The following INPP5A variants were observed in gnomAD, a reference collection of about 807,000 sequenced individuals.
The protein encoded by INPP5A is 43 kDa inositol polyphosphate 5-phophatase.
A neutral mutation model predicts 65.2 loss-of-function variants in INPP5A; 14 were observed. The ratio of observed to expected loss-of-function variants is 0.21; its 90% confidence interval spans 0.14 to 0.34. The LOEUF (loss-of-function observed/expected upper bound fraction) is 0.34. Among genes scored for constraint, INPP5A ranks in the 10% least tolerant of loss-of-function variants. INPP5A has a pLI of 1.00. For synonymous variants in INPP5A, 207 were observed against 208.3 expected, an observed-to-expected ratio of 0.99 and a Z score of 0.05; for missense variants, 431 against 545.6, an observed-to-expected ratio of 0.79 and a Z score of 2.09.
intron 12 of INPP5A, among the ~76,000 whole-genome samples, chr10:132,769,727 C>T (rs1005251112): frequency 2.0e-5 from 3 of 152,140 alleles, no homozygotes; most frequent in Non-Finnish European, 4.4e-5. Context: ...CCCGGCTCCC[C>T]AGACGCCAAG....
chr10:132,599,516 G>A (rs2071750519), intron 1 of INPP5A, among the ~76,000 whole-genome samples: 1 of 152,214 alleles, frequency 6.6e-6, no homozygotes, highest in Non-Finnish European at 1.5e-5. Context: ...TTCATGGGCT[G>A]GCATTGAGTG....
rs186117340 is a variant in INPP5A at position 132,586,005 on chromosome 10, G to A, written c.76-21910G>A. 1.2e-4 allele frequency among the ~76,000 whole-genome samples: 19 copies of A among 152,320 alleles called. No individual in the cohort carries two copies. The East Asian group carries it at 3.7e-3, about 29-fold the overall frequency. On this transcript the variant is annotated intron_variant, in intron 1 of 15. Transcript: ENST00000368594. ...CCTCCTTGGAACTGGAGGCCTCCCT[G>A]GACCTCGCCGCTTGTCCCTGAGACC...
At chr10:132,777,615 G>A in intron 12 of INPP5A, 56 bp from the exon 13 acceptor site, 2 of 1,513,178 alleles carry the variant, frequency 1.3e-6, no homozygotes, top group Non-Finnish European at 1.8e-6. Flanking sequence ...CCGTCCCTTT[G>A]GGGCTGAGGA....
rs1027956196 is a variant in INPP5A at position 132,663,386 on chromosome 10, TAA to T, written c.306+12889_306+12890del. 6.6e-6 allele frequency among the ~76,000 whole-genome samples: 1 copy of T among 150,892 alleles called. No individual in the cohort carries two copies. The highest frequency in any genetic ancestry group is 2.4e-5 in the African/African-American group (1 of 40,974). On this transcript the variant is annotated intron_variant, in intron 4 of 15. Transcript: ENST00000368594. This position sits in a 1 kb window ranked among gnomAD's most constrained non-coding sequence, Gnocchi z 4.5. ...ACAGGTGTGCATCACCACGCCTGGC[TAA>T]AAAAAAACTGTTTATAGAGACTGGG...
intron 1 of INPP5A, among the ~76,000 whole-genome samples, chr10:132,576,948 T>G (rs1031344966): frequency 3.9e-5 from 6 of 152,216 alleles, no homozygotes; most frequent in African/African-American, 1.4e-4. Context: ...CCCGCTGAAT[T>G]GCTGTGAGCC....
At chr10:132,597,976 C>T (rs2493899) in intron 1 of INPP5A, among the ~76,000 whole-genome samples, 37,280 of 150,168 alleles carry the variant, frequency 0.25, 5,362 homozygotes, top group East Asian at 0.5. Flanking sequence ...TGCGTGTTCC[C>T]GGGCTGTGCT....
rs747988826 is a variant in INPP5A, at chr10:132,574,749, C to T, written c.76-33166C>T. Among the ~76,000 whole-genome samples, 13 of 145,920 alleles carry T rather than the reference C, an allele frequency of 8.9e-5. No homozygotes were observed. The South Asian group carries it at 1.9e-3, about 22-fold the overall frequency. Reference sequence around the variant, plus strand: ...TCTGTTGCCCAGGCTGGAGTGCAGTCGTGGGATCTTGGCTCACTGCAACCT... The same window carrying T: ...TCTGTTGCCCAGGCTGGAGTGCAGTTGTGGGATCTTGGCTCACTGCAACCT... On this transcript the variant is annotated intron_variant, in intron 1 of 15. Coordinates refer to ENST00000368594, the MANE Select transcript of INPP5A (RefSeq NM_005539.5).
chr10:132,598,004 G>A (rs1590857465), intron 1 of INPP5A, among the ~76,000 whole-genome samples: 1 of 152,258 alleles, frequency 6.6e-6, no homozygotes, highest in Admixed American at 6.5e-5. Flanking sequence ...GTGACTCTGG[G>A]CCTTTTGGGC....
At chr10:132,712,530 TTG>T (rs140385122) in intron 8 of INPP5A, among the ~76,000 whole-genome samples, 7,550 of 149,484 alleles carry the variant, frequency 0.051, 218 homozygotes, top group African/African-American at 0.059. Context: ...GGGGGTTGCA[TTG>T]TGTGTGCACA....
rs1186984611 is a variant in INPP5A, at chr10:132,675,515, C to T, written c.307-14877C>T. 2.0e-5 allele frequency among the ~76,000 whole-genome samples: 3 copies of T among 152,172 alleles called. No individual in the cohort carries two copies. The highest frequency in any genetic ancestry group is 1.9e-4 in the East Asian group (1 of 5,194). Reference sequence around the variant, plus strand: ...GAGGCACCTCCTGCAGTGTAAAACACGGAGAGAAGTGCGGTTGAGCATGGG... The same window carrying T: ...GAGGCACCTCCTGCAGTGTAAAACATGGAGAGAAGTGCGGTTGAGCATGGG... On this transcript the variant is annotated intron_variant, in intron 4 of 15. Coordinates refer to ENST00000368594, the MANE Select transcript of INPP5A (RefSeq NM_005539.5). This position sits in a 1 kb window ranked among gnomAD's most constrained non-coding sequence, Gnocchi z 4.2.
intron 8 of INPP5A, among the ~76,000 whole-genome samples, chr10:132,715,319 AC>A (rs1276234518): frequency 1.3e-5 from 2 of 152,094 alleles, no homozygotes; most frequent in East Asian, 3.9e-4. Context: ...GGCATAAAGC[AC>A]CCCTTTGTCC....
chr10:132,771,711 CATGAAGAGTGGGACAGACACTCA>C (rs1846954915), intron 12 of INPP5A, among the ~76,000 whole-genome samples: 29 of 46,534 alleles, frequency 6.2e-4, no homozygotes, highest in Admixed American at 2.6e-3. Context: ...GCAGCCACCC[CATGAAGAGTGGGACAGACACTCA>C]GCACTGACAC....
rs1174635446 is a variant in INPP5A, at chr10:132,753,928, A to G, written c.903+4083A>G. ...GGGAGACCATGCGAAATTGGTGATC[A>G]TGTTTGTGAAAAATCTCAGAGAGAT... On this transcript the variant is annotated intron_variant, in intron 11 of 15. Transcript: ENST00000368594. The surrounding 1 kb of genome is among the most constrained non-coding windows in gnomAD (Gnocchi z 5.3). The G allele has an allele frequency of 6.6e-6, 1 of 152,258 alleles. No homozygotes were observed. The highest frequency in any genetic ancestry group is 1.5e-5 in the Non-Finnish European group (1 of 68,042). 9.4% of individuals were successfully genotyped at this position (152,258 alleles called of 1,614,324 possible). A position where few individuals can be genotyped will look rare whatever the true frequency, so the allele number is the denominator to read the frequency against.
Position 132,600,417 on chromosome 10 carries a change from T to G in INPP5A, c.76-7498T>G, listed in dbSNP as rs185321429. 9.1e-3 allele frequency among the ~76,000 whole-genome samples: 1,390 copies of G among 152,332 alleles called. 13 individuals carry two copies. The highest frequency in any genetic ancestry group is 0.014 in the Non-Finnish European group (959 of 68,028). Reference sequence around the variant, plus strand: ...TCCCAACAAGTTCCTCATCTCTATCTGAGACCACCTCAGCCTGGATTTTAC... The same window carrying G: ...TCCCAACAAGTTCCTCATCTCTATCGGAGACCACCTCAGCCTGGATTTTAC... On this transcript the variant is annotated intron_variant, in intron 1 of 15. Transcript: ENST00000368594.
At chr10:132,615,590 G>A (rs950226913) in intron 2 of INPP5A, among the ~76,000 whole-genome samples, 1 of 152,192 alleles carries the variant, frequency 6.6e-6, no homozygotes, top group African/African-American at 2.4e-5. Context: ...GCCTGCATTC[G>A]ACACACAGCT....
chr10:132,541,405 A>G (rs1479596812), intron 1 of INPP5A, among the ~76,000 whole-genome samples: 3 of 152,110 alleles, frequency 2.0e-5, no homozygotes, highest in Non-Finnish European at 4.4e-5. Context: ...TTGTGACCCC[A>G]GATTGGCCAT....
At chr10:132,646,294 G>A (rs2072493402) in intron 3 of INPP5A, among the ~76,000 whole-genome samples, 1 of 152,188 alleles carries the variant, frequency 6.6e-6, no homozygotes, top group Non-Finnish European at 1.5e-5. Flanking sequence ...GCCTGTGGTG[G>A]CCGGGGTTCA....
At chr10:132,685,880 C>T (rs180930854) in intron 4 of INPP5A, among the ~76,000 whole-genome samples, 113 of 152,356 alleles carry the variant, frequency 7.4e-4, no homozygotes, top group Non-Finnish European at 9.4e-4. Flanking sequence ...CTAAGTGACA[C>T]GGTGTGGCCA....
At chr10:132,760,057 C>T (rs911372056) in intron 11 of INPP5A, among the ~76,000 whole-genome samples, 62 of 152,218 alleles carry the variant, frequency 4.1e-4, no homozygotes, top group Non-Finnish European at 2.8e-4. Context: ...ATAGCCACAC[C>T]GTGCAGGAAG....
Sources: allele counts gnomAD v4.1 joint callset (sites outside exome capture counted in the v4.1 genomes callset), GRCh38; gene constraint gnomAD v4.1.1; non-coding constraint Gnocchi (gnomAD v3.1); transcripts MANE v1.5; gene names NCBI Gene and HGNC (gene_info 2026-07-23, HGNC 2026-07-21).